The following GAB1 variants were observed in gnomAD, a reference collection of about 807,000 sequenced individuals.
The protein encoded by GAB1 is GRB2 associated binding protein 1.
In GAB1, 19 loss-of-function variants were observed where a neutral mutation model predicts 66.5. That is an observed-to-expected ratio of 0.29 (90% CI 0.20 to 0.42). GAB1 has a LOEUF of 0.42. Among genes scored for constraint, GAB1 ranks in the 10% least tolerant of loss-of-function variants. The pLI is 1.00. For missense variants in GAB1, 732 were observed against 858.5 expected, an observed-to-expected ratio of 0.85 and a Z score of 1.84; for synonymous variants, 294 against 301.4, an observed-to-expected ratio of 0.98 and a Z score of 0.25.
chr4:143,468,980 C>T, intron 9 of GAB1, 51 bp from the exon 10 acceptor site: 1 of 1,585,458 alleles, frequency 6.3e-7, no homozygotes, highest in South Asian at 1.1e-5. Flanking sequence ...GAGTTGTACT[C>T]AGGAACACTC....
At chr4:143,362,152 C>T (rs939053645) in intron 1 of GAB1, among the ~76,000 whole-genome samples, 1 of 152,082 alleles carries the variant, frequency 6.6e-6, no homozygotes, top group Non-Finnish European at 1.5e-5. Flanking sequence ...CCCTACATGG[C>T]ATACTGGAGG....
chr4:143,433,173 A>ATTT (rs1733764760), intron 2 of GAB1, among the ~76,000 whole-genome samples: 1 of 152,154 alleles, frequency 6.6e-6, no homozygotes, highest in African/African-American at 2.4e-5. Flanking sequence ...GTTTTAAAGT[A>ATTT]TCTTTCTCTT....
intron 1 of GAB1, among the ~76,000 whole-genome samples, chr4:143,365,089 A>G (rs7679870): frequency 0.51 from 76,204 of 150,786 alleles, 20,134 homozygotes; most frequent in African/African-American, 0.66. Context: ...GTGTTAGCCA[A>G]GATGGTCTCG....
chr4:143,410,568 T>C (rs377730141), intron 1 of GAB1, among the ~76,000 whole-genome samples: 2 of 152,346 alleles, frequency 1.3e-5, no homozygotes, highest in East Asian at 3.9e-4. Flanking sequence ...AGCTTCAGTG[T>C]GACAGTTCTA....
intron 1 of GAB1, among the ~76,000 whole-genome samples, chr4:143,380,141 A>T (rs1730596806): frequency 6.6e-6 from 1 of 151,566 alleles, no homozygotes; most frequent in Non-Finnish European, 1.5e-5. Context: ...TAAAATGAGA[A>T]TATTGACATG....
At chr4:143,361,916 T>G (rs1445193787) in intron 1 of GAB1, among the ~76,000 whole-genome samples, 1 of 40,132 alleles carries the variant, frequency 2.5e-5, no homozygotes, top group Non-Finnish European at 4.9e-5. Flanking sequence ...TTGTGTGTGG[T>G]TTTTTTTTGT....
In GAB1 at chr4:143,370,697, G is replaced by A. The variant is rs572558878; in HGVS notation, c.72+33437G>A. ...ATATCTCCTAATGCTATCTCTCCCC[G>A]CTCCCCTGACCCCACAACAGGCCCC... On this transcript the variant is annotated intron_variant, in intron 1 of 9. Coordinates refer to ENST00000262994, the MANE Select transcript of GAB1 (RefSeq NM_002039.4). Among the ~76,000 whole-genome samples the A allele has an allele frequency of 3.4e-4, 51 of 152,004 alleles. 1 individual carries two copies. Among genetic ancestry groups the A allele is most frequent in the Admixed American group, 1.8e-3 (27 of 15,262 alleles).
In GAB1 at chr4:143,336,941, GGCGCACTGAAAGGAGGCCGGCGC is replaced by G. The variant is rs1468222809; in HGVS notation, c.-245_-223del. The G allele has an allele frequency of 6.3e-6, 3 of 478,408 alleles. No individual in the cohort carries two copies. The highest frequency in any genetic ancestry group is 7.4e-6 in the Non-Finnish European group (2 of 270,378). 29.6% of individuals were successfully genotyped at this position (478,408 alleles called of 1,614,324 possible). ...AGACGGCACGTCTGGAGGCGAGGCG[GGCGCACTGAAAGGAGGCCGGCGC>G]GCCCGCGGCCCCGGCTCGCGTTCTG... On this transcript the variant is annotated 5_prime_UTR_variant, in exon 1 of 10. Coordinates refer to ENST00000262994, the MANE Select transcript of GAB1 (RefSeq NM_002039.4).
intron 1 of GAB1, among the ~76,000 whole-genome samples, chr4:143,362,278 C>T (rs936066793): frequency 1.3e-5 from 2 of 152,112 alleles, no homozygotes; most frequent in African/African-American, 2.4e-5. Flanking sequence ...TCAGTATTTT[C>T]GTAATAGCAG....
chr4:143,449,790 A>C (rs1017631179), intron 6 of GAB1, among the ~76,000 whole-genome samples: 3 of 151,396 alleles, frequency 2.0e-5, no homozygotes, highest in Non-Finnish European at 2.9e-5. Flanking sequence ...GTCCATTTAC[A>C]TTTAAAGTTA....
At chr4:143,355,996 A>G (rs563654656) in intron 1 of GAB1, among the ~76,000 whole-genome samples, 1 of 152,062 alleles carries the variant, frequency 6.6e-6, no homozygotes, top group African/African-American at 2.4e-5. Context: ...ATGAAGCTGC[A>G]TGGCCTAAGT....
intron 6 of GAB1, among the ~76,000 whole-genome samples, chr4:143,457,501 G>A (rs1018402827): frequency 2.0e-5 from 3 of 151,486 alleles, no homozygotes; most frequent in African/African-American, 7.3e-5. Flanking sequence ...TGCTGAGCAT[G>A]AGCATGAATT....
intron 1 of GAB1, chr4:143,349,196 T>A: frequency 2.0e-6 from 1 of 500,592 alleles, no homozygotes. Flanking sequence ...TAACCTGGAG[T>A]AGTTATATAT....
chr4:143,364,941 T>G (rs986491982), intron 1 of GAB1, among the ~76,000 whole-genome samples: 2 of 142,164 alleles, frequency 1.4e-5, no homozygotes, highest in African/African-American at 5.4e-5. Flanking sequence ...GCAGTGGCGC[T>G]ATCTCGGGTC....
chr4:143,468,940 C>A, intron 9 of GAB1, 91 bp from the exon 10 acceptor site: 1 of 1,329,868 alleles, frequency 7.5e-7, no homozygotes, highest in Non-Finnish European at 1.0e-6. Context: ...AAAAAGTATT[C>A]ACAGTGGATG....
At chr4:143,342,801 G>A (rs1225795453) in intron 1 of GAB1, among the ~76,000 whole-genome samples, 1 of 151,744 alleles carries the variant, frequency 6.6e-6, no homozygotes, top group African/African-American at 2.4e-5. Context: ...GACCTCAGGT[G>A]ATCCGCCCGC....
intron 1 of GAB1, chr4:143,395,073 A>G (rs1319324023): frequency 2.6e-5 from 4 of 152,238 alleles, no homozygotes; most frequent in Non-Finnish European, 5.9e-5. Flanking sequence ...TGTTAAGAAT[A>G]GTGGTGGTTT....
chr4:143,444,004 G>T (rs990523475), intron 6 of GAB1, among the ~76,000 whole-genome samples: 1 of 152,132 alleles, frequency 6.6e-6, no homozygotes, highest in Non-Finnish European at 1.5e-5. Context: ...GCCAAGTTTT[G>T]TGTGTATTAA....
chr4:143,377,576 G>T (rs1240328810), intron 1 of GAB1, among the ~76,000 whole-genome samples: 2 of 152,000 alleles, frequency 1.3e-5, no homozygotes, highest in South Asian at 4.1e-4. Flanking sequence ...GAACTTTTTT[G>T]GATCATTATG....
Sources: allele counts gnomAD v4.1 joint callset (sites outside exome capture counted in the v4.1 genomes callset), GRCh38; gene constraint gnomAD v4.1.1; transcripts MANE v1.5; gene names NCBI Gene and HGNC (gene_info 2026-07-23, HGNC 2026-07-21).